Variants in DCP1B observed in about 807,000 individuals in gnomAD.
DCP1B encodes mRNA-decapping enzyme 1B.
A neutral mutation model predicts 60.5 loss-of-function variants in DCP1B; 47 were observed. The ratio of observed to expected loss-of-function variants is 0.78; its 90% CI spans 0.61 to 0.99. The LOEUF (loss-of-function observed/expected upper bound fraction) is 0.99, where lower values mean the gene tolerates loss of function less well. DCP1B is among the 50% of genes least tolerant of loss of function. DCP1B has a pLI of 0.00. For missense variants in DCP1B, 725 were observed against 756.8 expected, an observed-to-expected ratio of 0.96 and a Z score of 0.49; for synonymous variants, 267 against 280.3, an observed-to-expected ratio of 0.95 and a Z score of 0.47.
intron 3 of DCP1B, among the ~76,000 whole-genome samples, chr12:1,984,658 C>T (rs1175746555): frequency 1.3e-5 from 2 of 151,334 alleles, no homozygotes; most frequent in East Asian, 1.9e-4. Flanking sequence ...TTGTAATTAC[C>T]CGTATATTTA....
intron 5 of DCP1B, among the ~76,000 whole-genome samples, chr12:1,956,209 A>G (rs950967248): frequency 4.6e-5 from 7 of 152,220 alleles, no homozygotes; most frequent in African/African-American, 1.7e-4. Context: ...ATTATTATAC[A>G]TTAATCTAAC....
At position 1,971,150 on chromosome 12, in the gene DCP1B, G is replaced by A; in HGVS notation, c.320-3240C>T. On this transcript the variant is annotated intron_variant, in intron 3 of 8. Coordinates refer to ENST00000280665, the MANE Select transcript of DCP1B (RefSeq NM_152640.5). The surrounding 1 kb of genome is among the most constrained non-coding windows in gnomAD (Gnocchi z 4.2). Reference sequence around the variant, plus strand: ...TGCCAACACGGAGGTCAAGTTTAAGGGTACTTTGGTGCATGAAGCTCAACT... The same window carrying A: ...TGCCAACACGGAGGTCAAGTTTAAGAGTACTTTGGTGCATGAAGCTCAACT... The A allele has an allele frequency of 7.8e-7, 1 of 1,289,246 alleles. No homozygotes were observed. Among genetic ancestry groups the A allele is most frequent in the Non-Finnish European group, 1.0e-6 (1 of 988,426 alleles). The allele number at this position is 1,289,246 out of a possible 1,614,324, so 79.9% of individuals were successfully genotyped here. A position where few individuals can be genotyped will look rare whatever the true frequency, so the allele number is the denominator to read the frequency against.
chr12:1,980,240 T>C (rs1050125437), intron 3 of DCP1B, among the ~76,000 whole-genome samples: 3 of 152,214 alleles, frequency 2.0e-5, no homozygotes, highest in Admixed American at 2.0e-4. Context: ...GGAGAATAAA[T>C]AGACTGCAAT....
Position 1,953,223 on chromosome 12 carries a change from T to C in DCP1B, c.717A>G (p.Thr239=). Residue 239 remains threonine (T), a synonymous_variant, in exon 7 of 9, where the codon ACA becomes ACG. Coordinates refer to ENST00000280665, the MANE Select transcript of DCP1B (RefSeq NM_152640.5). The part of the protein sequence containing the change: ...TALFGKQDKA[T]CQETVEPPQT... ...GCGGAGGCTCCACAGTTTCCTGACA[T>C]GTAGCTTTGTCCTGCTTCCCAAACA... 1.2e-6 allele frequency: 2 copies of C among 1,606,802 alleles called. No homozygotes were observed. Among genetic ancestry groups the C allele is most frequent in the Non-Finnish European group, 1.7e-6 (2 of 1,179,966 alleles).
intron 3 of DCP1B, among the ~76,000 whole-genome samples, chr12:1,989,561 A>G (rs1203476274): frequency 6.6e-6 from 1 of 152,166 alleles, no homozygotes; most frequent in African/African-American, 2.4e-5. Context: ...TAAAAACACA[A>G]AAATCAGCCA....
At chr12:1,949,630 A>G (rs1428198144) in intron 7 of DCP1B, among the ~76,000 whole-genome samples, 1 of 152,178 alleles carries the variant, frequency 6.6e-6, no homozygotes, top group Non-Finnish European at 1.5e-5. Context: ...ATTTAGGACT[A>G]CTGACCTTTT....
intron 1 of DCP1B, among the ~76,000 whole-genome samples, chr12:2,003,679 T>C (rs1213534420): frequency 6.6e-6 from 1 of 152,244 alleles, no homozygotes; most frequent in Admixed American, 6.5e-5. Flanking sequence ...CTTGGTGTGC[T>C]GCCGTGTAAT....
chr12:1,972,760 C>G (rs1287613711), intron 3 of DCP1B, among the ~76,000 whole-genome samples: 1 of 148,444 alleles, frequency 6.7e-6, no homozygotes, highest in African/African-American at 2.5e-5. Flanking sequence ...CTTTTTAAAC[C>G]AAAGTTCATA....
chr12:1,999,943 A>G (rs1450879929), intron 1 of DCP1B, among the ~76,000 whole-genome samples: 1 of 152,214 alleles, frequency 6.6e-6, no homozygotes, highest in African/African-American at 2.4e-5. Flanking sequence ...GAAAAAATAT[A>G]TATACAGAAA....
intron 1 of DCP1B, among the ~76,000 whole-genome samples, chr12:2,003,944 C>T (rs112110159): frequency 0.022 from 3,362 of 152,272 alleles, 102 homozygotes; most frequent in African/African-American, 0.071. Context: ...GAACTCTGCT[C>T]TACTTTCTCG....
At chr12:1,978,886 TGAG>T (rs1185150289) in intron 3 of DCP1B, among the ~76,000 whole-genome samples, 2 of 152,260 alleles carry the variant, frequency 1.3e-5, no homozygotes, top group South Asian at 2.1e-4. Flanking sequence ...TTCTTATCGC[TGAG>T]TAGTGTTCTA....
At position 1,984,778 on chromosome 12, in the gene DCP1B, TAA is replaced by T. The variant is rs764705302; in HGVS notation, c.319+8484_319+8485del. ...ATTTATTCTACAGTGGGTCTTCTGG[TAA>T]AAAAAAAAAAAAAAAAAAAAAGGTT... On this transcript the variant is annotated intron_variant, in intron 3 of 8. Coordinates refer to ENST00000280665, the MANE Select transcript of DCP1B (RefSeq NM_152640.5). Among the ~76,000 whole-genome samples, 34 of 81,334 alleles carry T rather than the reference TAA, an allele frequency of 4.2e-4. 1 individual carries two copies. The highest frequency in any genetic ancestry group is 4.7e-4 in the Non-Finnish European group (20 of 42,960). 53.4% of individuals were successfully genotyped at this position (81,334 alleles called of 152,430 possible).
intron 2 of DCP1B, among the ~76,000 whole-genome samples, chr12:1,996,352 C>A (rs1221152015): frequency 6.6e-6 from 1 of 151,878 alleles, no homozygotes; most frequent in Non-Finnish European, 1.5e-5. Flanking sequence ...TACTATAAAC[C>A]AGTATAAGCC....
At chr12:1,959,115 G>A (rs2031024699) in intron 5 of DCP1B, among the ~76,000 whole-genome samples, 1 of 151,832 alleles carries the variant, frequency 6.6e-6, no homozygotes, top group South Asian at 2.1e-4. Context: ...ACGTCGCTCT[G>A]GGCAATGACT....
At chr12:1,958,890 A>G (rs1397145588) in intron 5 of DCP1B, among the ~76,000 whole-genome samples, 17 of 66,506 alleles carry the variant, frequency 2.6e-4, no homozygotes, top group South Asian at 5.8e-4. Flanking sequence ...CCTGGAAGGA[A>G]ACAGGGGAAA....
At chr12:1,961,135 T>G (rs948893667) in intron 5 of DCP1B, among the ~76,000 whole-genome samples, 18 of 152,190 alleles carry the variant, frequency 1.2e-4, no homozygotes, top group African/African-American at 4.1e-4. Context: ...GATCATATTT[T>G]GATGGGTGAA....
At chr12:1,951,646 C>T (rs1029828439) in intron 7 of DCP1B, among the ~76,000 whole-genome samples, 1 of 152,182 alleles carries the variant, frequency 6.6e-6, no homozygotes, top group African/African-American at 2.4e-5. Context: ...AAGATAAAAA[C>T]TGGCTGCACC....
At chr12:1,990,271 T>C (rs1156900073) in intron 3 of DCP1B, among the ~76,000 whole-genome samples, 1 of 152,242 alleles carries the variant, frequency 6.6e-6, no homozygotes, top group Non-Finnish European at 1.5e-5. Flanking sequence ...TAAATGTTTG[T>C]TGAATAAATG....
chr12:1,949,008 T>C, intron 8 of DCP1B, 78 bp downstream of exon 8: 1 of 1,554,020 alleles, frequency 6.4e-7, no homozygotes. Flanking sequence ...AGGCCTTGGC[T>C]GAGTCTTTAT....
Sources: gnomAD v4.1 joint callset for allele counts (sites outside exome capture counted in the v4.1 genomes callset) on GRCh38, gnomAD v4.1.1 for gene constraint, Gnocchi (gnomAD v3.1) non-coding constraint, MANE v1.5 for transcripts, NCBI Gene and HGNC (gene_info 2026-07-23, HGNC 2026-07-21) for gene names.